Variants in GRIN2B observed in about 807,000 individuals in gnomAD.
The protein encoded by GRIN2B is glutamate ionotropic receptor NMDA type subunit 2B.
A neutral mutation model predicts 114.5 loss-of-function variants in GRIN2B; 5 were observed. The observed-to-expected ratio is 0.04, with a 90% confidence interval of 0.02 to 0.09. GRIN2B has a LOEUF of 0.09. Among genes scored for constraint, GRIN2B ranks in the 10% least tolerant of loss-of-function variants. GRIN2B has a pLI of 1.00. For synonymous variants in GRIN2B, 787 were observed against 745.1 expected (o/e 1.06, Z -0.92); for missense variants, 1,108 against 1,943.5 (o/e 0.57, Z 8.08).
intron 10 of GRIN2B, among the ~76,000 whole-genome samples, chr12:13,607,257 T>A (rs1214394653): frequency 3.0e-5 from 2 of 65,890 alleles, no homozygotes; most frequent in African/African-American, 1.4e-4. Context: ...AAATATATAT[T>A]ATATATAATA....
chr12:13,904,313 C>G (rs534449224), intron 2 of GRIN2B, among the ~76,000 whole-genome samples: 2 of 151,938 alleles, frequency 1.3e-5, no homozygotes, highest in South Asian at 4.1e-4. Flanking sequence ...TTTCTGGTGT[C>G]TTAGTGATTG....
chr12:13,609,798 G>C (rs1419712884), intron 9 of GRIN2B, among the ~76,000 whole-genome samples: 1 of 151,890 alleles, frequency 6.6e-6, no homozygotes, highest in African/African-American at 2.4e-5. Flanking sequence ...AGAATATCAG[G>C]AAGGCCAAAG....
chr12:13,936,681 G>T (rs1299864046), intron 2 of GRIN2B, among the ~76,000 whole-genome samples: 2 of 152,044 alleles, frequency 1.3e-5, no homozygotes, highest in East Asian at 3.9e-4. Context: ...TACATACAAA[G>T]AAAATGGAAA....
At chr12:13,889,093 T>G (rs1866214120) in intron 2 of GRIN2B, among the ~76,000 whole-genome samples, 1 of 152,240 alleles carries the variant, frequency 6.6e-6, no homozygotes, top group Non-Finnish European at 1.5e-5. Flanking sequence ...TCTATAAGCT[T>G]TTTTCTATTT....
At chr12:13,639,217 C>A (rs1312432201) in intron 5 of GRIN2B, among the ~76,000 whole-genome samples, 1 of 152,222 alleles carries the variant, frequency 6.6e-6, no homozygotes, top group Non-Finnish European at 1.5e-5. Flanking sequence ...CTAAAGATCC[C>A]AGCAGAATTT....
At chr12:13,805,882 C>T (rs549179660) in intron 3 of GRIN2B, among the ~76,000 whole-genome samples, 2 of 152,112 alleles carry the variant, frequency 1.3e-5, no homozygotes, top group South Asian at 2.1e-4. Flanking sequence ...ATCAACATAC[C>T]CCAATTCCTT....
At chr12:13,934,890 C>T (rs1867100255) in intron 2 of GRIN2B, among the ~76,000 whole-genome samples, 1 of 152,192 alleles carries the variant, frequency 6.6e-6, no homozygotes, top group Admixed American at 6.5e-5. Context: ...TGACCAGCAG[C>T]CAGAAAACAC....
At chr12:13,885,392 G>A (rs1866138390) in intron 2 of GRIN2B, among the ~76,000 whole-genome samples, 1 of 152,182 alleles carries the variant, frequency 6.6e-6, no homozygotes, top group African/African-American at 2.4e-5. Flanking sequence ...TAAATTGAGA[G>A]TGCAAGTATA....
At chr12:13,718,548 A>G (rs2268117) in intron 4 of GRIN2B, among the ~76,000 whole-genome samples, 7 of 151,994 alleles carry the variant, frequency 4.6e-5, no homozygotes, top group Admixed American at 2.0e-4. Flanking sequence ...TTTGCCCTAC[A>G]GCATTTTTAT....
At chr12:13,565,255 T>C (rs1948623231) in intron 13 of GRIN2B, among the ~76,000 whole-genome samples, 1 of 152,160 alleles carries the variant, frequency 6.6e-6, no homozygotes, top group African/African-American at 2.4e-5. Context: ...AAAGAGAGAA[T>C]TAGCAAGCCC....
intron 2 of GRIN2B, among the ~76,000 whole-genome samples, chr12:13,916,757 G>GTGTGTGTGTA (rs1217628345): frequency 6.7e-6 from 1 of 149,218 alleles, no homozygotes; most frequent in African/African-American, 2.5e-5. Flanking sequence ...GTGTGTGTGT[G>GTGTGTGTGTA]TGTATTTTAA....
Position 13,562,998 on chromosome 12 carries a change from C to A in GRIN2B, c.4240G>T (p.Ala1414Ser), listed in dbSNP as rs140744818. Residue 1414 changes from alanine (A) to serine (S), a missense_variant, in exon 14 of 14, where the codon GCG (alanine) becomes TCG (serine). Around this residue, in one of 19 missense-constraint regions of GRIN2B, gnomAD observed 478 missense variants for 506.0 expected, o/e 0.94. Coordinates refer to ENST00000609686, the MANE Select transcript of GRIN2B (RefSeq NM_000834.5). ...CGGAAGTCCGGCCTGGCTTTCGACG[C>A]CCCCGCCACCGTGGGCTGCCTGAAG... The part of the protein sequence containing the change: ...YFFRQPTVAG[A>S]SKARPDFRAL... 1.6e-4 allele frequency: 255 copies of A among 1,613,504 alleles called. No homozygotes were observed. In the African/African-American group the frequency reaches 2.9e-3, roughly 18 times the overall value.
At chr12:13,866,699 G>C (rs1865834527) in intron 2 of GRIN2B, among the ~76,000 whole-genome samples, 2 of 152,290 alleles carry the variant, frequency 1.3e-5, no homozygotes, top group Non-Finnish European at 1.5e-5. Context: ...AAGTACACAA[G>C]CCCTGCATTC....
Position 13,564,631 on chromosome 12 carries a change from G to A in GRIN2B, c.2607C>T (p.Tyr869=). ...GMVFSISRGI[Y]SCIHGVAIEE... The stretch of plus-strand genomic sequence containing the variant: ...CGATCGCCACCCCATGGATGCAGCT[G>A]TAGATACCCTGAAGCAAGAATGGAG... Residue 869 remains tyrosine, a synonymous_variant, in exon 14 of 14, where the codon TAC becomes TAT. Coordinates refer to ENST00000609686, the MANE Select transcript of GRIN2B (RefSeq NM_000834.5). This position sits in a 1 kb window ranked among gnomAD's most constrained non-coding sequence, Gnocchi z 4.8. The A allele has an allele frequency of 1.2e-6, 2 of 1,613,686 alleles. No homozygotes were observed.
chr12:13,860,979 T>C (rs562248314), intron 3 of GRIN2B, among the ~76,000 whole-genome samples: 1 of 152,330 alleles, frequency 6.6e-6, no homozygotes, highest in East Asian at 1.9e-4. Flanking sequence ...TACTCCTTAT[T>C]TCCCTCACCT....
At chr12:13,583,513 T>C (rs944485160) in intron 10 of GRIN2B, among the ~76,000 whole-genome samples, 6 of 152,188 alleles carry the variant, frequency 3.9e-5, no homozygotes, top group Non-Finnish European at 8.8e-5. Flanking sequence ...GCAAATAGAA[T>C]GGATGCTCAG....
intron 2 of GRIN2B, among the ~76,000 whole-genome samples, chr12:13,959,972 G>A (rs1053441428): frequency 3.3e-5 from 5 of 152,100 alleles, no homozygotes; most frequent in Admixed American, 2.0e-4. Context: ...CAGAATGGAC[G>A]CTTGATTGAG....
intron 2 of GRIN2B, among the ~76,000 whole-genome samples, chr12:13,971,472 A>T (rs958319886): frequency 6.6e-6 from 1 of 152,172 alleles, no homozygotes; most frequent in Non-Finnish European, 1.5e-5. Flanking sequence ...GAAGAACGAC[A>T]TCTTGATGCC....
intron 3 of GRIN2B, among the ~76,000 whole-genome samples, chr12:13,804,918 T>C (rs1408941758): frequency 1.3e-5 from 2 of 152,152 alleles, no homozygotes; most frequent in East Asian, 3.9e-4. Context: ...TTGATCCATG[T>C]ATACCTCACT....
Sources: gnomAD v4.1 joint callset for allele counts (sites outside exome capture counted in the v4.1 genomes callset) on GRCh38, gnomAD v4.1.1 for gene constraint, gnomAD v4.1.1 regional missense constraint, Gnocchi (gnomAD v3.1) non-coding constraint, MANE v1.5 for transcripts, NCBI Gene and HGNC (gene_info 2026-07-23, HGNC 2026-07-21) for gene names.